PCYT1A: variants seen among roughly 807,000 people sequenced by gnomAD.
PCYT1A encodes phosphate cytidylyltransferase 1A, choline.
In PCYT1A, 25 loss-of-function variants were observed where a neutral mutation model predicts 43.7. The ratio of observed to expected loss-of-function variants is 0.57; its 90% CI spans 0.42 to 0.80. The LOEUF (loss-of-function observed/expected upper bound fraction) is 0.80, where lower values mean the gene tolerates loss of function less well. Among genes scored for constraint, PCYT1A ranks in the 30% least tolerant of loss-of-function variants. The pLI is 0.00. For synonymous variants in PCYT1A, 172 were observed against 170.7 expected, an observed-to-expected ratio of 1.01 and a Z score of -0.06; for missense variants, 421 against 474.2, an observed-to-expected ratio of 0.89 and a Z score of 1.04.
At chr3:196,245,846 G>A (rs971117674) in intron 5 of PCYT1A, among the ~76,000 whole-genome samples, 4 of 151,968 alleles carry the variant, frequency 2.6e-5, no homozygotes, top group African/African-American at 9.7e-5. Flanking sequence ...AGCTACTCGG[G>A]AGGCTGAGGC....
chr3:196,257,789 A>T lies in PCYT1A; in HGVS notation c.216T>A (p.Pro72=). 1 of 1,558,124 alleles carries T rather than the reference A, an allele frequency of 6.4e-7. No individual in the cohort carries two copies. The highest frequency in any genetic ancestry group is 1.4e-5 in the African/African-American group (1 of 73,904). The change falls in exon 3 of 9, where the codon CCT becomes CCA. Residue 72 remains proline (P), a splice_region_variant and synonymous_variant. Coordinates refer to ENST00000431016, the MANE Select transcript of PCYT1A (RefSeq NM_001312673.2). ...VTMEEASRGT[P]CERPVRVYAD... ...CAAATTAAGAAGGTATTTACTTACA[A>T]GGAGTTCCTCTGCTGGCTTCTTCCA...
At chr3:196,241,924 C>G in intron 7 of PCYT1A, 24 bp downstream of exon 7, 1 of 1,613,944 alleles carries the variant, frequency 6.2e-7, no homozygotes, top group South Asian at 1.1e-5. Flanking sequence ...AGTCAGGGAA[C>G]TCTGGGGTAA....
Position 196,237,640 on chromosome 3 carries a change from G to A in PCYT1A, c.*1048C>T, listed in dbSNP as rs1724207071. On this transcript the variant is annotated 3_prime_UTR_variant, in exon 9 of 9. Transcript: ENST00000431016. ...AAAGGAAGGTGTTTCCTATGCTTTT[G>A]CCTTTACATTCTGTGCAAATCTCTC... is the stretch of plus-strand genomic sequence containing the variant. 3 of 152,210 alleles carry A rather than the reference G, an allele frequency of 2.0e-5. No homozygotes were observed. The highest frequency in any genetic ancestry group is 2.0e-4 in the Admixed American group (3 of 15,282). 9.4% of individuals were successfully genotyped at this position (152,210 alleles called of 1,614,324 possible). A position where few individuals can be genotyped will look rare whatever the true frequency, so the allele number is the denominator to read the frequency against.
intron 2 of PCYT1A, among the ~76,000 whole-genome samples, chr3:196,263,980 C>T (rs1725195855): frequency 6.6e-6 from 1 of 152,172 alleles, no homozygotes; most frequent in Admixed American, 6.5e-5. Flanking sequence ...TCCCTGACTC[C>T]TATTGCCATT....
In PCYT1A at chr3:196,273,785, G is replaced by GT. The variant is rs200676776; in HGVS notation, c.-10-3245dup. On this transcript the variant is annotated intron_variant, in intron 1 of 8. Coordinates refer to ENST00000431016, the MANE Select transcript of PCYT1A (RefSeq NM_001312673.2). This position sits in a 1 kb window ranked among gnomAD's most constrained non-coding sequence, Gnocchi z 4.1. ...CCACAGGCAGCCCGGAAAAAGCATCGTAAGTTCTCATTCCAGTCCACAGAA... is the reference window on the plus strand; with the variant it reads ...CCACAGGCAGCCCGGAAAAAGCATCGTTAAGTTCTCATTCCAGTCCACAGAA... Among the ~76,000 whole-genome samples, 128 of 152,292 alleles carry GT rather than the reference G, an allele frequency of 8.4e-4. 1 individual carries two copies. The East Asian group carries it at 0.022, about 26-fold the overall frequency.
At chr3:196,258,025 G>A (rs1053520908) in intron 2 of PCYT1A, 138 bp from the exon 3 acceptor site, 20 of 555,198 alleles carry the variant, frequency 3.6e-5, no homozygotes, top group Admixed American at 1.2e-4. Flanking sequence ...CGTTATTCCC[G>A]CCTGTAATCC....
At chr3:196,279,650 G>A (rs1725696328) in intron 1 of PCYT1A, among the ~76,000 whole-genome samples, 1 of 152,066 alleles carries the variant, frequency 6.6e-6, no homozygotes. Context: ...ACAAGTGGAA[G>A]ATGTGTTTGT....
rs937303903 is a variant in PCYT1A, at chr3:196,234,991, C to T, written c.*3697G>A. On this transcript the variant is annotated 3_prime_UTR_variant, in exon 9 of 9. Coordinates refer to ENST00000431016, the MANE Select transcript of PCYT1A (RefSeq NM_001312673.2). ...CATTAAGGGGGCTTTCTTTTTCTAC[C>T]TGTATTGGTTCAACTTCTGGTGAGA... 3 of 152,054 alleles carry T rather than the reference C, an allele frequency of 2.0e-5. No homozygotes were observed. The highest frequency in any genetic ancestry group is 4.8e-5 in the African/African-American group (2 of 41,414). The allele number at this position is 152,054 out of a possible 1,614,324, so 9.4% of individuals were successfully genotyped here.
chr3:196,276,540 T>C (rs1282873487), intron 1 of PCYT1A, among the ~76,000 whole-genome samples: 3 of 151,332 alleles, frequency 2.0e-5, no homozygotes, highest in African/African-American at 4.9e-5. Flanking sequence ...GAGGCAAAGG[T>C]TGCAGTCAGC....
At chr3:196,272,768 A>G (rs1725471695) in intron 1 of PCYT1A, among the ~76,000 whole-genome samples, 1 of 152,220 alleles carries the variant, frequency 6.6e-6, no homozygotes, top group African/African-American at 2.4e-5. Context: ...TTTAGCAGAG[A>G]GTTTCTAGCA....
chr3:196,272,880 G>A (rs1725476244), intron 1 of PCYT1A, among the ~76,000 whole-genome samples: 1 of 152,206 alleles, frequency 6.6e-6, no homozygotes, highest in South Asian at 2.1e-4. Context: ...GTGGCCAGTG[G>A]CACCTTTGCC....
chr3:196,262,660 C>A (rs941621942), intron 2 of PCYT1A, among the ~76,000 whole-genome samples: 1 of 152,054 alleles, frequency 6.6e-6, no homozygotes, highest in Non-Finnish European at 1.5e-5. Flanking sequence ...TTTCACTATT[C>A]CTTAAAATTT....
chr3:196,234,722 C>G lies in PCYT1A; in HGVS notation c.*3966G>C, dbSNP rs151057561. The stretch of plus-strand genomic sequence containing the variant: ...CTTCCGTTTTCTGCCTCAATCCGAG[C>G]GCTAACATAAAATCTTGGCAGACAA... On this transcript the variant is annotated 3_prime_UTR_variant, in exon 9 of 9. Coordinates refer to ENST00000431016, the MANE Select transcript of PCYT1A (RefSeq NM_001312673.2). 179 of 152,262 alleles carry G rather than the reference C, an allele frequency of 1.2e-3. No homozygotes were observed. Among genetic ancestry groups the G allele is most frequent in the African/African-American group, 4.0e-3 (166 of 41,538 alleles). The allele number at this position is 152,262 out of a possible 1,614,324, so 9.4% of individuals were successfully genotyped here. A position where few individuals can be genotyped will look rare whatever the true frequency, so the allele number is the denominator to read the frequency against.
rs1383942170 is a variant in PCYT1A at position 196,237,236 on chromosome 3, A to C, written c.*1452T>G. ...TTCCCCTGGATCTAGCCACAGGATT[A>C]CTGATGGGTGATGATCTGCTAGGCC... On this transcript the variant is annotated 3_prime_UTR_variant, in exon 9 of 9. Coordinates refer to ENST00000431016, the MANE Select transcript of PCYT1A (RefSeq NM_001312673.2). 6.6e-6 allele frequency: 1 copy of C among 152,298 alleles called. No homozygotes were observed. The highest frequency in any genetic ancestry group is 1.5e-5 in the Non-Finnish European group (1 of 68,084). The allele number at this position is 152,298 out of a possible 1,614,324, so 9.4% of individuals were successfully genotyped here.
chr3:196,240,288 C>T (rs1724310085), intron 7 of PCYT1A, among the ~76,000 whole-genome samples: 1 of 152,196 alleles, frequency 6.6e-6, no homozygotes, highest in Non-Finnish European at 1.5e-5. Context: ...TCCATTTACT[C>T]ATTTGCAAAA....
Position 196,247,635 on chromosome 3 carries a change from G to A in PCYT1A, c.335-117C>T. ...GGACTGCAACCATCTTCCCCAACTG[G>A]AAAAAAGTCTTCTAAAGGTGGTTGA... On this transcript the variant is annotated intron_variant, in intron 4 of 8. Coordinates refer to ENST00000431016, the MANE Select transcript of PCYT1A (RefSeq NM_001312673.2). This position sits in a 1 kb window ranked among gnomAD's most constrained non-coding sequence, Gnocchi z 4.8. 2.0e-6 allele frequency: 2 copies of A among 1,021,232 alleles called. No individual in the cohort carries two copies. Among genetic ancestry groups the A allele is most frequent in the Non-Finnish European group, 3.0e-6 (2 of 657,014 alleles). 63.3% of individuals were successfully genotyped at this position (1,021,232 alleles called of 1,614,324 possible).
chr3:196,243,547 C>T (rs1260650510), intron 5 of PCYT1A, among the ~76,000 whole-genome samples: 1 of 151,930 alleles, frequency 6.6e-6, no homozygotes, highest in Non-Finnish European at 1.5e-5. Context: ...CACGGTCTCC[C>T]TCTCCCTCTC....
At chr3:196,245,893 G>A (rs1436792573) in intron 5 of PCYT1A, among the ~76,000 whole-genome samples, 1 of 151,566 alleles carries the variant, frequency 6.6e-6, no homozygotes, top group African/African-American at 2.4e-5. Context: ...GGAGGTTGCG[G>A]TGATCCGAGA....
Position 196,235,834 on chromosome 3 carries a change from CATTTA to C in PCYT1A, c.*2849_*2853del, listed in dbSNP as rs1724145364. On this transcript the variant is annotated 3_prime_UTR_variant, in exon 9 of 9. Transcript: ENST00000431016. This position sits in a 1 kb window ranked among gnomAD's most constrained non-coding sequence, Gnocchi z 4.3. ...GTGGTGGTGTGCACACCTCTAACCT[CATTTA>C]ATTAGGCACAGATGACCACATTATG... 6.6e-6 allele frequency: 1 copy of C among 152,286 alleles called. No homozygotes were observed. Among genetic ancestry groups the C allele is most frequent in the Admixed American group, 6.5e-5 (1 of 15,282 alleles). 9.4% of individuals were successfully genotyped at this position (152,286 alleles called of 1,614,324 possible).
Sources: allele counts gnomAD v4.1 joint callset (sites outside exome capture counted in the v4.1 genomes callset), GRCh38; gene constraint gnomAD v4.1.1; non-coding constraint Gnocchi (gnomAD v3.1); transcripts MANE v1.5; gene names NCBI Gene and HGNC (gene_info 2026-07-23, HGNC 2026-07-21).